The following OR7C1 variants were observed in gnomAD, a reference collection of about 807,000 sequenced individuals.
OR7C1 encodes the protein olfactory receptor 7C1.
For synonymous variants in OR7C1, 152 were observed against 160.7 expected (o/e 0.95, Z 0.41); for missense variants, 324 against 383.3 (o/e 0.85, Z 1.29).
At position 14,799,909 on chromosome 19, in the gene OR7C1, C is replaced by T. The variant is rs1453616915; in HGVS notation, c.228G>A (p.Thr76=). The T allele has an allele frequency of 1.9e-6, 3 of 1,613,908 alleles. No individual in the cohort carries two copies. The African/African-American group carries it at 4.0e-5, about 22-fold the overall frequency. Residue 76 remains threonine (T), a synonymous_variant, in exon 5 of 5, where the codon ACG becomes ACA. Coordinates refer to ENST00000641666, the Ensembl canonical transcript of OR7C1. ...TATTCAGTAACATCTTTGGGACAGTCGTGGAGGTAAAACAGAGGTCAGCAA... is the reference window on the plus strand; with the variant it reads ...TATTCAGTAACATCTTTGGGACAGTTGTGGAGGTAAAACAGAGGTCAGCAA...
intron 2 of OR7C1, among the ~76,000 whole-genome samples, chr19:14,802,260 C>G (rs1034906379): frequency 1.6e-4 from 25 of 152,252 alleles, no homozygotes; most frequent in African/African-American, 5.8e-4. Context: ...TGGCTCACGC[C>G]TGTAATCCCA....
rs1364234518 is a variant in OR7C1 at position 14,799,130 on chromosome 19, C to A, written c.*44G>T. On this transcript the variant is annotated 3_prime_UTR_variant, in exon 5 of 5. Coordinates refer to ENST00000641666, the Ensembl canonical transcript of OR7C1. ...GAATACATTGATGTTTGGATACATT[C>A]AAGAACCACCAAAAGTGCCTCCCAA... 6 of 1,548,352 alleles carry A rather than the reference C, an allele frequency of 3.9e-6. No homozygotes were observed. The East Asian group carries it at 1.3e-4, about 35-fold the overall frequency.
At chr19:14,808,103 A>T (rs1370819112) in intron 2 of OR7C1, among the ~76,000 whole-genome samples, 3 of 150,890 alleles carry the variant, frequency 2.0e-5, no homozygotes, top group Non-Finnish European at 2.9e-5. Context: ...AAGAAATAAA[A>T]AAAAAAAAAA....
At chr19:14,832,266 A>G (rs1403379503) in intron 1 of OR7C1, among the ~76,000 whole-genome samples, 1 of 152,086 alleles carries the variant, frequency 6.6e-6, no homozygotes, top group Non-Finnish European at 1.5e-5. Context: ...ACACCTTATG[A>G]CATTGCATCA....
chr19:14,809,774 T>C, intron 2 of OR7C1, 32 bp downstream of exon 2: 1 of 152,340 alleles, frequency 6.6e-6, no homozygotes, highest in Non-Finnish European at 1.5e-5. Context: ...AAAGCTTTTC[T>C]TCCCTCCACA....
intron 1 of OR7C1, among the ~76,000 whole-genome samples, chr19:14,832,036 A>G (rs769954818): frequency 5.1e-4 from 77 of 152,176 alleles, no homozygotes; most frequent in Non-Finnish European, 4.0e-4. Flanking sequence ...AGCTTCTTGA[A>G]TGACTGGGAC....
At chr19:14,819,799 C>G (rs1345604284) in intron 1 of OR7C1, among the ~76,000 whole-genome samples, 1 of 152,146 alleles carries the variant, frequency 6.6e-6, no homozygotes, top group Non-Finnish European at 1.5e-5. Flanking sequence ...TTTTTATATT[C>G]TTTCATTTCC....
At position 14,834,277 on chromosome 19, in the gene OR7C1, C is replaced by T. The variant is rs576183402; in HGVS notation, c.-623+797G>A. 1.6e-3 allele frequency among the ~76,000 whole-genome samples: 238 copies of T among 152,128 alleles called. 1 individual carries two copies. The highest frequency in any genetic ancestry group is 5.4e-3 in the African/African-American group (224 of 41,510). On this transcript the variant is annotated intron_variant, in intron 1 of 4. Coordinates refer to ENST00000641666, the Ensembl canonical transcript of OR7C1. Reference sequence around the variant, plus strand: ...CTTGCACGACAGAGTGAGGCTCTGTCTCAAAGAAAAAACAAACAAACAACA... The same window carrying T: ...CTTGCACGACAGAGTGAGGCTCTGTTTCAAAGAAAAAACAAACAAACAACA...
intron 2 of OR7C1, among the ~76,000 whole-genome samples, chr19:14,803,522 T>C (rs1911954434): frequency 6.6e-6 from 1 of 151,916 alleles, no homozygotes; most frequent in African/African-American, 2.4e-5. Flanking sequence ...CAGACAGCCT[T>C]TTCCTATTTG....
chr19:14,828,397 G>A (rs1568254111), intron 1 of OR7C1: 4 of 811,340 alleles, frequency 4.9e-6, no homozygotes, highest in East Asian at 2.7e-5. Flanking sequence ...GGATCTCCAT[G>A]TCATCTCTGA....
At chr19:14,825,640 C>G (rs2044762280) in intron 1 of OR7C1, 2 of 152,170 alleles carry the variant, frequency 1.3e-5, no homozygotes, top group African/African-American at 2.4e-5. Flanking sequence ...ACATGTAAAG[C>G]CATGTTAAGA....
chr19:14,804,373 A>G (rs1456392589), intron 2 of OR7C1, among the ~76,000 whole-genome samples: 1 of 152,222 alleles, frequency 6.6e-6, no homozygotes, highest in Non-Finnish European at 1.5e-5. Context: ...TTATAAAATT[A>G]GAAGACTCAT....
intron 1 of OR7C1, among the ~76,000 whole-genome samples, chr19:14,833,995 C>CCGGGTACTCTAATTTTGGTGACAGAA (rs1555696582): frequency 1.3e-5 from 2 of 152,126 alleles, no homozygotes; most frequent in East Asian, 3.8e-4. Flanking sequence ...CGTGGTGGCA[C>CCGGGTACTCTAATTTTGGTGACAGAA]ACGTCTGCAA....
At position 14,813,315 on chromosome 19, in the gene OR7C1, G is replaced by A. The variant is rs537662247; in HGVS notation, c.-622-3322C>T. Among the ~76,000 whole-genome samples the A allele has an allele frequency of 2.0e-3, 311 of 152,234 alleles. 3 individuals are homozygous for A. Among genetic ancestry groups the A allele is most frequent in the African/African-American group, 7.3e-3 (302 of 41,546 alleles). The stretch of plus-strand genomic sequence containing the variant: ...CACACCTGTAATCCCAGCACTTTGG[G>A]AGGCTGAGGTGGGCGGATCACAAGG... On this transcript the variant is annotated intron_variant, in intron 1 of 4. Coordinates refer to ENST00000641666, the Ensembl canonical transcript of OR7C1.
intron 2 of OR7C1, among the ~76,000 whole-genome samples, chr19:14,802,945 T>C (rs2044648723): frequency 6.6e-6 from 1 of 152,146 alleles, no homozygotes; most frequent in South Asian, 2.1e-4. Flanking sequence ...GACTTCCTGC[T>C]GGCAGCAAAG....
intron 1 of OR7C1, among the ~76,000 whole-genome samples, chr19:14,812,348 A>C (rs2044695233): frequency 6.6e-6 from 1 of 152,220 alleles, no homozygotes; most frequent in East Asian, 1.9e-4. Context: ...TGCCAGGCCC[A>C]AAACCAGGCC....
At chr19:14,800,173 A>C in intron 4 of OR7C1, 24 bp from the exon 5 acceptor site, 1 of 1,510,118 alleles carries the variant, frequency 6.6e-7, no homozygotes, top group Non-Finnish European at 8.9e-7. Context: ...GAAAAAAGCA[A>C]CAGTCAATTA....
chr19:14,827,992 T>C, intron 1 of OR7C1: 1 of 1,614,216 alleles, frequency 6.2e-7, no homozygotes, highest in Non-Finnish European at 8.5e-7. Flanking sequence ...GTCTGGATGT[T>C]CATCAGCATT....
In OR7C1 at chr19:14,799,921, A is replaced by ACAGAGGT. The variant is rs2044632395; in HGVS notation, c.209_215dup (p.Cys72Ter). 1 of 1,614,032 alleles carries ACAGAGGT rather than the reference A, an allele frequency of 6.2e-7. No individual in the cohort carries two copies. The highest frequency in any genetic ancestry group is 1.3e-5 in the African/African-American group (1 of 74,896). ...TCTTTGGGACAGTCGTGGAGGTAAAACAGAGGTCAGCAAAAGACAGGTTGG... is the reference window on the plus strand; with the variant it reads ...TCTTTGGGACAGTCGTGGAGGTAAAACAGAGGTCAGAGGTCAGCAAAAGACAGGTTGG... On this transcript the variant is annotated stop_gained and frameshift_variant, in exon 5 of 5. Transcript: ENST00000641666. LOFTEE classifies it low-confidence loss of function (END_TRUNC).
Sources: gnomAD v4.1 joint callset for allele counts (sites outside exome capture counted in the v4.1 genomes callset) on GRCh38, gnomAD v4.1.1 for gene constraint, MANE v1.5 for transcripts, NCBI Gene and HGNC (gene_info 2026-07-23, HGNC 2026-07-21) for gene names.